PCDHA3: variants seen among roughly 807,000 people sequenced by gnomAD.
PCDHA3 encodes protocadherin alpha-3.
PCDHA3 carries 41 observed loss-of-function variants against 62.2 expected under a neutral mutation model. The ratio of observed to expected loss-of-function variants is 0.66; its 90% confidence interval spans 0.51 to 0.86. The LOEUF is 0.86. Among genes scored for constraint, PCDHA3 ranks in the 40% least tolerant of loss-of-function variants. The pLI is 0.00. For missense variants in PCDHA3, 1,304 were observed against 1,241.2 expected (o/e 1.05, Z -0.76); for synonymous variants, 640 against 555.4 (o/e 1.15, Z -2.14).
chr5:140,927,734 G>A, intron 1 of PCDHA3: 1 of 1,614,196 alleles, frequency 6.2e-7, no homozygotes, highest in Non-Finnish European at 8.5e-7. Context: ...GCAGAGCTGC[G>A]ACACCGCTTT....
chr5:140,919,335 G>A (rs1347619989), intron 1 of PCDHA3, among the ~76,000 whole-genome samples: 2 of 152,122 alleles, frequency 1.3e-5, no homozygotes, highest in African/African-American at 4.8e-5. Context: ...CTTTCAATCT[G>A]TTTGTATCTT....
At chr5:140,870,822 A>G in intron 1 of PCDHA3, 3 of 1,613,698 alleles carry the variant, frequency 1.9e-6, no homozygotes, top group Non-Finnish European at 2.5e-6. Context: ...GCAGCGCGGG[A>G]GGCGCAGTTA....
chr5:140,801,684 G>A lies in PCDHA3; in HGVS notation c.487G>A (p.Gly163Arg), dbSNP rs782708273. ...SLEGASDADI[G>R]TNSLLTYSLD... ...AGAGGGCGCATCAGATGCAGATATCGGAACAAATTCGTTGTTGACTTACAG... is the reference window on the plus strand; with the variant it reads ...AGAGGGCGCATCAGATGCAGATATCAGAACAAATTCGTTGTTGACTTACAG... Residue 163 changes from glycine to arginine, a missense_variant, in exon 1 of 4, where the codon GGA (glycine) becomes AGA (arginine). Coordinates refer to ENST00000522353, the MANE Select transcript of PCDHA3 (RefSeq NM_018906.3). 3.1e-6 allele frequency: 5 copies of A among 1,614,086 alleles called. No individual in the cohort carries two copies. Among genetic ancestry groups the A allele is most frequent in the East Asian group, 2.2e-5 (1 of 44,898 alleles).
At chr5:140,882,601 C>G (rs1322989069) in intron 1 of PCDHA3, 1 of 1,614,144 alleles carries the variant, frequency 6.2e-7, no homozygotes, top group Admixed American at 1.7e-5. Flanking sequence ...TGATCGTGGA[C>G]AGGCCTCTGC....
rs782219196 is a variant in PCDHA3 at position 140,808,940 on chromosome 5, G to A, written c.2394+5349G>A. The stretch of plus-strand genomic sequence containing the variant: ...AGTGAGCGAGCTGGTGCCATGGTCG[G>A]TGGGTGTGGGCCACGTGGTGGCAAA... On this transcript the variant is annotated intron_variant, in intron 1 of 3. Coordinates refer to ENST00000522353, the MANE Select transcript of PCDHA3 (RefSeq NM_018906.3). The A allele has an allele frequency of 2.8e-5, 45 of 1,613,628 alleles. No homozygotes were observed. In the South Asian group the frequency reaches 4.8e-4, roughly 17 times the overall value.
At chr5:140,905,787 G>A (rs1468265319) in intron 1 of PCDHA3, among the ~76,000 whole-genome samples, 1 of 152,012 alleles carries the variant, frequency 6.6e-6, no homozygotes, top group Non-Finnish European at 1.5e-5. Context: ...TATTAGTCAG[G>A]GTTCTCTAGA....
chr5:140,821,769 G>A, intron 1 of PCDHA3: 1 of 1,602,728 alleles, frequency 6.2e-7, no homozygotes, highest in South Asian at 1.1e-5. Flanking sequence ...ATTGGAACGA[G>A]ATTGAGATGG....
At chr5:140,861,560 C>A in intron 1 of PCDHA3, 2 of 391,162 alleles carry the variant, frequency 5.1e-6, no homozygotes, top group Admixed American at 2.5e-5. Flanking sequence ...TGATCGTGGA[C>A]AAGCTGCTAC....
chr5:140,884,947 C>CA (rs2060414559), intron 1 of PCDHA3, among the ~76,000 whole-genome samples: 1 of 152,090 alleles, frequency 6.6e-6, no homozygotes, highest in Non-Finnish European at 1.5e-5. Context: ...TGAGCATTTA[C>CA]AAAAAATTCC....
intron 3 of PCDHA3, among the ~76,000 whole-genome samples, chr5:140,995,446 T>C (rs2097684088): frequency 6.6e-6 from 1 of 152,206 alleles, no homozygotes; most frequent in Non-Finnish European, 1.5e-5. Flanking sequence ...TTAAAACTTA[T>C]GAATTGTTTA....
chr5:140,850,627 T>C lies in PCDHA3; in HGVS notation c.2394+47036T>C, dbSNP rs2150491342. 1.9e-6 allele frequency: 3 copies of C among 1,598,642 alleles called. No individual in the cohort carries two copies. The South Asian group carries it at 3.3e-5, about 18-fold the overall frequency. ...GCCATCTGCGCGGTGTCTAGCCTGT[T>C]GGTTCTCACGCTGCTGCTGTACACT... On this transcript the variant is annotated intron_variant, in intron 1 of 3. Transcript: ENST00000522353.
At chr5:140,877,488 C>T (rs781785108) in intron 1 of PCDHA3, 9 of 1,613,736 alleles carry the variant, frequency 5.6e-6, no homozygotes, top group Admixed American at 5.0e-5. Flanking sequence ...TGGTGGAGAA[C>T]GGCCAGGCCC....
At chr5:140,929,014 C>T (rs1554206582) in intron 1 of PCDHA3, 5 of 1,614,110 alleles carry the variant, frequency 3.1e-6, no homozygotes, top group Non-Finnish European at 4.2e-6. Flanking sequence ...TACCAAGTTG[C>T]ACCAGAGCCC....
intron 1 of PCDHA3, chr5:140,966,646 G>T (rs2096032297): frequency 4.4e-6 from 5 of 1,139,570 alleles, no homozygotes; most frequent in Non-Finnish European, 4.6e-6. Flanking sequence ...TTTCTAGAGC[G>T]TGAGCGGTGG....
At chr5:140,964,383 G>A (rs543441248) in intron 1 of PCDHA3, among the ~76,000 whole-genome samples, 1 of 152,142 alleles carries the variant, frequency 6.6e-6, no homozygotes, top group Non-Finnish European at 1.5e-5. Context: ...GAGAGTCCTG[G>A]TTTTTCTCCC....
intron 1 of PCDHA3, chr5:140,809,698 T>A: frequency 8.7e-7 from 1 of 1,155,888 alleles, no homozygotes; most frequent in Non-Finnish European, 1.2e-6. Context: ...ATATCCATTT[T>A]AACTAAAGTC....
intron 3 of PCDHA3, among the ~76,000 whole-genome samples, chr5:141,006,264 T>C (rs2098264343): frequency 6.6e-6 from 1 of 152,148 alleles, no homozygotes; most frequent in Non-Finnish European, 1.5e-5. Flanking sequence ...CAGGCTGGAC[T>C]GCAGTGGCAC....
chr5:140,809,153 G>T (rs558715293), intron 1 of PCDHA3: 2 of 1,613,816 alleles, frequency 1.2e-6, no homozygotes, highest in African/African-American at 1.3e-5. Context: ...GGACCACGGC[G>T]AGCCCGCGCT....
chr5:140,961,736 T>C (rs1554225571), intron 1 of PCDHA3, among the ~76,000 whole-genome samples: 1 of 152,178 alleles, frequency 6.6e-6, no homozygotes. Context: ...ACAATCACTT[T>C]AGTAATATTA....
Sources: allele counts gnomAD v4.1 joint callset (sites outside exome capture counted in the v4.1 genomes callset), GRCh38; gene constraint gnomAD v4.1.1; transcripts MANE v1.5; gene names NCBI Gene and HGNC (gene_info 2026-07-23, HGNC 2026-07-21).